ATP8A2: variants seen among roughly 807,000 people sequenced by gnomAD.
The protein encoded by ATP8A2 is phospholipid-transporting ATPase IB.
In ATP8A2, 100 loss-of-function variants were observed where a neutral mutation model predicts 165.6. That is an observed-to-expected ratio of 0.60 (90% CI 0.51 to 0.71). The LOEUF is 0.71. Ranked by LOEUF, ATP8A2 falls within the 30% of genes least tolerant of loss-of-function variation. ATP8A2 has a pLI of 0.00. For missense variants in ATP8A2, 1,227 were observed against 1,479.5 expected (o/e 0.83, Z 2.80); for synonymous variants, 543 against 548.8 (o/e 0.99, Z 0.15).
At chr13:25,529,437 G>T (rs2037958650) in intron 2 of ATP8A2, among the ~76,000 whole-genome samples, 1 of 152,172 alleles carries the variant, frequency 6.6e-6, no homozygotes, top group African/African-American at 2.4e-5. Flanking sequence ...CTGTAGGCTT[G>T]CATGAGGAGT....
intron 24 of ATP8A2, among the ~76,000 whole-genome samples, chr13:25,683,654 A>G (rs967689532): frequency 7.9e-5 from 12 of 151,968 alleles, no homozygotes; most frequent in Admixed American, 1.3e-4. Context: ...CAGAGTTTCA[A>G]CAACAACAAG....
intron 27 of ATP8A2, among the ~76,000 whole-genome samples, chr13:25,817,782 A>C (rs1260797731): frequency 1.3e-5 from 2 of 152,004 alleles, no homozygotes; most frequent in African/African-American, 4.8e-5. Flanking sequence ...GGCTCAAGCA[A>C]CCTTCCCACC....
At position 25,605,105 on chromosome 13, in the gene ATP8A2, G is replaced by C. The variant is rs901427113; in HGVS notation, c.2211+15406G>C. On this transcript the variant is annotated intron_variant, in intron 24 of 36. Coordinates refer to ENST00000381655, the MANE Select transcript of ATP8A2 (RefSeq NM_016529.6). ...AACAACCTACTTTGTTGTGACAATG[G>C]AGTCTCAGGGTATTGTAAGAGAAAA... is the stretch of plus-strand genomic sequence containing the variant. Among the ~76,000 whole-genome samples the C allele has an allele frequency of 3.9e-5, 6 of 152,202 alleles. No homozygotes were observed. The South Asian group carries it at 1.0e-3, about 26-fold the overall frequency.
At chr13:25,776,315 A>G (rs779027374) in intron 27 of ATP8A2, among the ~76,000 whole-genome samples, 8 of 152,210 alleles carry the variant, frequency 5.3e-5, no homozygotes, top group Non-Finnish European at 1.2e-4. Context: ...AAGTCCTGAA[A>G]CTGACCCATT....
At chr13:25,621,772 G>T (rs1468248008) in intron 24 of ATP8A2, among the ~76,000 whole-genome samples, 1 of 152,164 alleles carries the variant, frequency 6.6e-6, no homozygotes, top group Non-Finnish European at 1.5e-5. Context: ...ACTGAATTTA[G>T]ACCTAATTTA....
intron 1 of ATP8A2, among the ~76,000 whole-genome samples, chr13:25,441,334 T>G (rs1357868977): frequency 1.3e-5 from 2 of 152,244 alleles, no homozygotes; most frequent in African/African-American, 4.8e-5. Context: ...TAAAGCACTG[T>G]GTGTCAAGAG....
chr13:25,759,788 T>C (rs1351312578), intron 25 of ATP8A2, among the ~76,000 whole-genome samples: 1 of 152,192 alleles, frequency 6.6e-6, no homozygotes, highest in African/African-American at 2.4e-5. Flanking sequence ...TCAGTGACTA[T>C]AAAACTGTAT....
At chr13:25,438,380 A>T (rs1450105470) in intron 1 of ATP8A2, among the ~76,000 whole-genome samples, 1 of 152,168 alleles carries the variant, frequency 6.6e-6, no homozygotes, top group Non-Finnish European at 1.5e-5. Flanking sequence ...ACCATGGCTC[A>T]CTCTTGCAAT....
chr13:25,699,064 A>T, intron 24 of ATP8A2, 109 bp from the exon 25 acceptor site: 5 of 831,614 alleles, frequency 6.0e-6, no homozygotes, highest in Non-Finnish European at 8.9e-6. Flanking sequence ...TAGTATATTT[A>T]TATTAGAATG....
At chr13:25,877,669 A>T (rs1397704784) in intron 33 of ATP8A2, among the ~76,000 whole-genome samples, 1 of 152,166 alleles carries the variant, frequency 6.6e-6, no homozygotes, top group African/African-American at 2.4e-5. Context: ...GTGCCTTTCT[A>T]AACTTTCATA....
chr13:25,516,260 T>A (rs1731146626), intron 2 of ATP8A2, among the ~76,000 whole-genome samples: 1 of 152,142 alleles, frequency 6.6e-6, no homozygotes, highest in African/African-American at 2.4e-5. Context: ...ACAAGGTATG[T>A]CCTCCCCGAG....
intron 1 of ATP8A2, 178 bp from the exon 2 acceptor site, chr13:25,468,799 G>A: frequency 1.0e-6 from 1 of 982,034 alleles, no homozygotes; most frequent in Non-Finnish European, 1.2e-6. Flanking sequence ...GCCGGCCTTG[G>A]CTGCCGCGGC....
intron 1 of ATP8A2, among the ~76,000 whole-genome samples, chr13:25,385,117 C>T (rs2032993565): frequency 6.6e-6 from 1 of 152,216 alleles, no homozygotes; most frequent in Non-Finnish European, 1.5e-5. Flanking sequence ...ACCCTTAACC[C>T]AGTGTCTTTA....
At chr13:26,016,904 T>A (rs142995213) in intron 36 of ATP8A2, among the ~76,000 whole-genome samples, 107 of 152,248 alleles carry the variant, frequency 7.0e-4, no homozygotes, top group East Asian at 1.2e-3. Context: ...GTCCAGGCCA[T>A]TTAATTTACA....
At chr13:25,881,767 C>T (rs1952986270) in intron 33 of ATP8A2, among the ~76,000 whole-genome samples, 1 of 152,136 alleles carries the variant, frequency 6.6e-6, no homozygotes, top group Non-Finnish European at 1.5e-5. Context: ...AAGTGTGGTC[C>T]CCAAGGCAGC....
intron 34 of ATP8A2, among the ~76,000 whole-genome samples, chr13:25,966,842 C>T (rs1008849139): frequency 2.6e-5 from 4 of 152,210 alleles, no homozygotes; most frequent in Non-Finnish European, 4.4e-5. Flanking sequence ...CACTTAGGAA[C>T]CCCCTTTCCT....
At chr13:25,452,015 T>C (rs2035240767) in intron 1 of ATP8A2, among the ~76,000 whole-genome samples, 2 of 151,910 alleles carry the variant, frequency 1.3e-5, no homozygotes, top group African/African-American at 4.8e-5. Flanking sequence ...CCACCACACC[T>C]GGTTATTTTT....
chr13:25,460,265 A>G (rs1024030779), intron 1 of ATP8A2, among the ~76,000 whole-genome samples: 12 of 152,222 alleles, frequency 7.9e-5, no homozygotes, highest in African/African-American at 2.2e-4. Flanking sequence ...CACAGCTTCA[A>G]AGGAAACCGC....
At chr13:25,908,462 A>G (rs1382451123) in intron 33 of ATP8A2, among the ~76,000 whole-genome samples, 3 of 152,240 alleles carry the variant, frequency 2.0e-5, no homozygotes, top group Admixed American at 6.5e-5. Context: ...AATGAAGCCG[A>G]GATTGTTCTT....
Sources: allele counts gnomAD v4.1 joint callset (sites outside exome capture counted in the v4.1 genomes callset), GRCh38; gene constraint gnomAD v4.1.1; transcripts MANE v1.5; gene names NCBI Gene and HGNC (gene_info 2026-07-23, HGNC 2026-07-21).